PRTFDC1: variants seen among roughly 807,000 people sequenced by gnomAD.
The protein encoded by PRTFDC1 is phosphoribosyl transferase domain containing 1, also known as phosphoribosyltransferase domain-containing protein 1.
In PRTFDC1, 38 loss-of-function variants were observed where a neutral mutation model predicts 34.6. The ratio of observed to expected loss-of-function variants is 1.10; its 90% CI spans 0.85 to 1.44. PRTFDC1 has a LOEUF of 1.44. PRTFDC1 is among the 40% of genes most tolerant of loss of function. The pLI, the probability that PRTFDC1 is intolerant of heterozygous loss-of-function variation, is 0.00. For synonymous variants in PRTFDC1, 93 were observed against 98.1 expected, an observed-to-expected ratio of 0.95 and a Z score of 0.31; for missense variants, 270 against 283.0, an observed-to-expected ratio of 0.95 and a Z score of 0.33.
rs1847877270 is a variant in PRTFDC1 at position 24,871,988 on chromosome 10, A to G, written c.405+10T>C. On this transcript the variant is annotated intron_variant, in intron 4 of 8. Transcript: ENST00000320152. ...CTCAATGCGGTCTGAGCACAGTTAC[A>G]TGAACAAACCTTTCCAGCCAGCGTT... 1.9e-6 allele frequency: 3 copies of G among 1,603,374 alleles called. No homozygotes were observed. The highest frequency in any genetic ancestry group is 1.3e-5 in the African/African-American group (1 of 74,640).
chr10:24,917,909 A>G (rs1347418573), intron 3 of PRTFDC1, among the ~76,000 whole-genome samples: 1 of 152,228 alleles, frequency 6.6e-6, no homozygotes, highest in African/African-American at 2.4e-5. Flanking sequence ...TCAGAATCTC[A>G]TATAAAAAGT....
intron 3 of PRTFDC1, among the ~76,000 whole-genome samples, chr10:24,872,811 T>A (rs1421639288): frequency 0.028 from 3,684 of 130,096 alleles, 184 homozygotes; most frequent in African/African-American, 0.11. Context: ...TATATATTTT[T>A]TTTTTTTTTT....
intron 3 of PRTFDC1, among the ~76,000 whole-genome samples, chr10:24,888,949 T>C (rs1848215892): frequency 6.6e-6 from 1 of 152,178 alleles, no homozygotes; most frequent in East Asian, 1.9e-4. Context: ...ACTCATTTGA[T>C]TTCTCATTTA....
Position 24,889,692 on chromosome 10 carries a change from CTG to C in PRTFDC1, c.340-17631_340-17630del, listed in dbSNP as rs1848229176. On this transcript the variant is annotated intron_variant, in intron 3 of 8. Transcript: ENST00000320152. ...CCAGGTCTCAAATGAGACATGAACA[CTG>C]TGGAAGAAAGTCAGAGAGCAGAATG... Among the ~76,000 whole-genome samples, 3 of 152,290 alleles carry C rather than the reference CTG, an allele frequency of 2.0e-5. No homozygotes were observed. In the East Asian group the frequency reaches 5.8e-4, roughly 29 times the overall value.
intron 3 of PRTFDC1, among the ~76,000 whole-genome samples, chr10:24,874,861 G>C (rs940504957): frequency 6.6e-6 from 1 of 152,158 alleles, no homozygotes; most frequent in Non-Finnish European, 1.5e-5. Flanking sequence ...CCCAGTGGGA[G>C]GTAAATGAAT....
chr10:24,927,923 G>A (rs1192906639), intron 3 of PRTFDC1, among the ~76,000 whole-genome samples: 2 of 152,050 alleles, frequency 1.3e-5, no homozygotes, highest in African/African-American at 2.4e-5. Flanking sequence ...TAAAGACAAT[G>A]TTTTCTGTTA....
intron 3 of PRTFDC1, among the ~76,000 whole-genome samples, chr10:24,907,454 G>C (rs368616158): frequency 3.6e-4 from 55 of 152,244 alleles, no homozygotes; most frequent in African/African-American, 1.2e-3. Flanking sequence ...AAATTAGCTG[G>C]GTGTGGTGGC....
chr10:24,919,519 C>T (rs1488372805), intron 3 of PRTFDC1, among the ~76,000 whole-genome samples: 1 of 152,152 alleles, frequency 6.6e-6, no homozygotes, highest in African/African-American at 2.4e-5. Context: ...AAACCCAAAA[C>T]TATAAAAACT....
At chr10:24,876,470 C>T (rs12243833) in intron 3 of PRTFDC1, among the ~76,000 whole-genome samples, 2,283 of 152,016 alleles carry the variant, frequency 0.015, 54 homozygotes, top group African/African-American at 0.052. Context: ...CCGAGGCAGG[C>T]GGATCACGAG....
chr10:24,940,939 T>C (rs1241909540), intron 2 of PRTFDC1, among the ~76,000 whole-genome samples: 2 of 152,134 alleles, frequency 1.3e-5, no homozygotes, highest in African/African-American at 4.8e-5. Context: ...TAAAACTGGA[T>C]GGTGCTGATG....
chr10:24,940,882 G>A (rs983698040), intron 2 of PRTFDC1, among the ~76,000 whole-genome samples: 1 of 152,184 alleles, frequency 6.6e-6, no homozygotes, highest in African/African-American at 2.4e-5. Context: ...TGCTGGAAGT[G>A]GGAGCAGGGA....
intron 3 of PRTFDC1, among the ~76,000 whole-genome samples, chr10:24,881,217 C>A (rs1322055384): frequency 1.4e-5 from 2 of 144,812 alleles, no homozygotes. Flanking sequence ...CAGATGTGCA[C>A]CACTACACCC....
chr10:24,938,324 C>CA (rs1177981153), intron 2 of PRTFDC1, among the ~76,000 whole-genome samples: 4 of 152,090 alleles, frequency 2.6e-5, no homozygotes, highest in Non-Finnish European at 5.9e-5. Flanking sequence ...GCAAAACTGC[C>CA]AAAAACAACC....
At chr10:24,856,851 A>T in intron 6 of PRTFDC1, 62 bp downstream of exon 6, 1 of 1,376,162 alleles carries the variant, frequency 7.3e-7, no homozygotes, top group Admixed American at 1.7e-5. Flanking sequence ...ATCCTGTGTT[A>T]GCATCCCTTT....
chr10:24,924,648 T>G, intron 3 of PRTFDC1, among the ~76,000 whole-genome samples: 1 of 151,962 alleles, frequency 6.6e-6, no homozygotes, highest in East Asian at 1.9e-4. Context: ...CATCAAAAAG[T>G]GGGCAAAAGA....
At chr10:24,946,951 T>C (rs1849259699) in intron 1 of PRTFDC1, among the ~76,000 whole-genome samples, 1 of 151,904 alleles carries the variant, frequency 6.6e-6, no homozygotes, top group Non-Finnish European at 1.5e-5. Context: ...GCCTGGGTAA[T>C]ATAATGAGAA....
chr10:24,894,061 G>A (rs565089616), intron 3 of PRTFDC1, among the ~76,000 whole-genome samples: 31 of 152,188 alleles, frequency 2.0e-4, no homozygotes, highest in South Asian at 6.2e-4. Flanking sequence ...GGCCGGGCGC[G>A]GTGGCTCACG....
At position 24,858,244 on chromosome 10, in the gene PRTFDC1, A is replaced by C; in HGVS notation, c.423+148T>G. 3 of 746,496 alleles carry C rather than the reference A, an allele frequency of 4.0e-6. No individual in the cohort carries two copies. In the South Asian group the frequency reaches 5.4e-5, roughly 14 times the overall value. The allele number at this position is 746,496 out of a possible 1,614,324, so 46.2% of individuals were successfully genotyped here. On this transcript the variant is annotated intron_variant, in intron 5 of 8. Transcript: ENST00000320152. ...TACATTATTTGAAATCAGGGACGCTATCTGGCCCCTATTCATTAAATTTGG... is the reference window on the plus strand; with the variant it reads ...TACATTATTTGAAATCAGGGACGCTCTCTGGCCCCTATTCATTAAATTTGG...
At chr10:24,864,822 A>G (rs1344500809) in intron 4 of PRTFDC1, among the ~76,000 whole-genome samples, 2 of 152,142 alleles carry the variant, frequency 1.3e-5, no homozygotes, top group Non-Finnish European at 2.9e-5. Context: ...TATAATCAAT[A>G]TATAACATGG....
Sources: allele counts gnomAD v4.1 joint callset (sites outside exome capture counted in the v4.1 genomes callset), GRCh38; gene constraint gnomAD v4.1.1; transcripts MANE v1.5; gene names NCBI Gene and HGNC (gene_info 2026-07-23, HGNC 2026-07-21).